The following PTPRN2 variants were observed in gnomAD, a reference collection of about 807,000 sequenced individuals.
PTPRN2 encodes receptor-type tyrosine-protein phosphatase N2.
PTPRN2 carries 74 observed loss-of-function variants against 118.8 expected under a neutral mutation model. That is an observed-to-expected ratio of 0.62 (90% CI 0.52 to 0.76). The LOEUF is 0.76. Ranked by LOEUF, PTPRN2 falls within the 30% of genes least tolerant of loss-of-function variation. The pLI is 0.00. For synonymous variants in PTPRN2, 641 were observed against 608.0 expected, an observed-to-expected ratio of 1.05 and a Z score of -0.80; for missense variants, 1,481 against 1,394.4, an observed-to-expected ratio of 1.06 and a Z score of -0.99.
At chr7:158,573,337 A>T (rs1023107410) in intron 1 of PTPRN2, among the ~76,000 whole-genome samples, 2 of 152,226 alleles carry the variant, frequency 1.3e-5, no homozygotes, top group Admixed American at 6.5e-5. Context: ...ATAGATTTTT[A>T]AATAAAGTCA....
chr7:158,108,314 C>G, intron 10 of PTPRN2, among the ~76,000 whole-genome samples: 1 of 152,128 alleles, frequency 6.6e-6, no homozygotes, highest in East Asian at 1.9e-4. Context: ...TGCACCTGCT[C>G]CCTCCTTTAC....
chr7:157,951,976 C>T (rs928025003), intron 11 of PTPRN2, among the ~76,000 whole-genome samples: 1 of 152,200 alleles, frequency 6.6e-6, no homozygotes, highest in Non-Finnish European at 1.5e-5. Flanking sequence ...TGCTCTGATG[C>T]CCCCTCACGT....
At chr7:157,769,361 G>A (rs1282806464) in intron 12 of PTPRN2, among the ~76,000 whole-genome samples, 1 of 152,154 alleles carries the variant, frequency 6.6e-6, no homozygotes, top group Non-Finnish European at 1.5e-5. Flanking sequence ...TCGCCCTGCT[G>A]GAATTCCACA....
intron 12 of PTPRN2, among the ~76,000 whole-genome samples, chr7:157,883,128 A>T (rs1263210776): frequency 6.6e-6 from 1 of 151,318 alleles, no homozygotes; most frequent in Non-Finnish European, 1.5e-5. Context: ...ACCACCCCAA[A>T]ATGACTGTCA....
intron 9 of PTPRN2, among the ~76,000 whole-genome samples, chr7:158,129,199 C>G (rs1211914128): frequency 6.7e-6 from 1 of 149,580 alleles, no homozygotes; most frequent in Non-Finnish European, 1.5e-5. Flanking sequence ...CACTACACAC[C>G]ACAAACAGAT....
At position 157,977,754 on chromosome 7, in the gene PTPRN2, G is replaced by C. The variant is rs549547001; in HGVS notation, c.1724-79017C>G. Among the ~76,000 whole-genome samples the C allele has an allele frequency of 6.6e-6, 1 of 151,852 alleles. No individual in the cohort carries two copies. The highest frequency in any genetic ancestry group is 6.6e-5 in the Admixed American group (1 of 15,256). ...GAGAGGTAGGATCTGGTACCATCTC[G>C]AGAGGCTGCAGCAGGGACACTTGAA... is the stretch of plus-strand genomic sequence containing the variant. On this transcript the variant is annotated intron_variant, in intron 11 of 22. Transcript: ENST00000389418. The surrounding 1 kb of genome is among the most constrained non-coding windows in gnomAD (Gnocchi z 4.6).
intron 11 of PTPRN2, among the ~76,000 whole-genome samples, chr7:157,899,555 G>A (rs1444811976): frequency 1.3e-5 from 2 of 152,212 alleles, no homozygotes; most frequent in Non-Finnish European, 2.9e-5. Context: ...CAAACCCTAT[G>A]AATGAAGAGT....
At chr7:157,969,707 C>T (rs1201605907) in intron 11 of PTPRN2, among the ~76,000 whole-genome samples, 1 of 151,848 alleles carries the variant, frequency 6.6e-6, no homozygotes, top group Non-Finnish European at 1.5e-5. Flanking sequence ...CCTTGGGCAC[C>T]TGGGAGTTTG....
intron 2 of PTPRN2, among the ~76,000 whole-genome samples, chr7:158,336,297 CA>C: frequency 7.1e-6 from 1 of 140,614 alleles, no homozygotes; most frequent in Non-Finnish European, 1.5e-5. Context: ...CCGCAGACGT[CA>C]CTCACACCCA....
intron 1 of PTPRN2, among the ~76,000 whole-genome samples, chr7:158,556,953 C>A (rs73510594): frequency 8.1e-6 from 1 of 123,724 alleles, no homozygotes; most frequent in Non-Finnish European, 1.7e-5. Context: ...GTCACTCCCA[C>A]GCAGGTCAGG....
At position 157,808,428 on chromosome 7, in the gene PTPRN2, C is replaced by T. The variant is rs1413057917; in HGVS notation, c.1788+90245G>A. Among the ~76,000 whole-genome samples the T allele has an allele frequency of 2.6e-5, 4 of 152,186 alleles. No homozygotes were observed. The highest frequency in any genetic ancestry group is 9.7e-5 in the African/African-American group (4 of 41,442). On this transcript the variant is annotated intron_variant, in intron 12 of 22. Coordinates refer to ENST00000389418, the MANE Select transcript of PTPRN2 (RefSeq NM_002847.5). This position sits in a 1 kb window ranked among gnomAD's most constrained non-coding sequence, Gnocchi z 5.0. Reference sequence around the variant, plus strand: ...CTGCCTGGGCTCCACCTCCTGTCAGCTCAGCAGTGGCATCAGATTCTCATA... The same window carrying T: ...CTGCCTGGGCTCCACCTCCTGTCAGTTCAGCAGTGGCATCAGATTCTCATA...
chr7:158,223,895 G>C (rs112634466), intron 3 of PTPRN2, among the ~76,000 whole-genome samples: 1,650 of 152,056 alleles, frequency 0.011, 38 homozygotes, highest in African/African-American at 0.038. Flanking sequence ...CCTATTTCCT[G>C]ATTATCTACA....
intron 14 of PTPRN2, among the ~76,000 whole-genome samples, chr7:157,634,350 G>A (rs1804166296): frequency 6.6e-6 from 1 of 152,154 alleles, no homozygotes; most frequent in Admixed American, 6.5e-5. Flanking sequence ...TCATGCTTTT[G>A]TTACATGGGC....
chr7:158,499,696 G>C (rs185760296), intron 1 of PTPRN2, among the ~76,000 whole-genome samples: 16 of 152,208 alleles, frequency 1.1e-4, no homozygotes, highest in Admixed American at 3.9e-4. Flanking sequence ...ACTTGAACCT[G>C]GGAGGTGGAG....
chr7:157,930,344 T>TC (rs1563248693), intron 11 of PTPRN2, among the ~76,000 whole-genome samples: 2 of 151,582 alleles, frequency 1.3e-5, no homozygotes, highest in African/African-American at 4.9e-5. Flanking sequence ...AATAAAACAT[T>TC]CCTGGTGCCC....
intron 1 of PTPRN2, among the ~76,000 whole-genome samples, chr7:158,531,889 C>T (rs1014211400): frequency 6.6e-6 from 1 of 152,192 alleles, no homozygotes; most frequent in Non-Finnish European, 1.5e-5. Context: ...AAGCTGAACG[C>T]ATCACTGCAC....
At chr7:158,346,016 CA>C (rs1443588001) in intron 2 of PTPRN2, among the ~76,000 whole-genome samples, 2 of 152,176 alleles carry the variant, frequency 1.3e-5, no homozygotes, top group African/African-American at 2.4e-5. Context: ...GATTACAACT[CA>C]AGGTGAGATG....
At chr7:157,653,365 C>A (rs116130917) in intron 14 of PTPRN2, among the ~76,000 whole-genome samples, 4,314 of 152,220 alleles carry the variant, frequency 0.028, 187 homozygotes, top group African/African-American at 0.097. Context: ...GGAAACGAGG[C>A]TTTGCGCACA....
At chr7:158,532,625 G>A (rs563518466) in intron 1 of PTPRN2, 37 of 442,274 alleles carry the variant, frequency 8.4e-5, no homozygotes, top group African/African-American at 6.4e-4. Flanking sequence ...GACCAAAAAC[G>A]TCACTAAACT....
Sources: allele counts gnomAD v4.1 joint callset (sites outside exome capture counted in the v4.1 genomes callset), GRCh38; gene constraint gnomAD v4.1.1; non-coding constraint Gnocchi (gnomAD v3.1); transcripts MANE v1.5; gene names NCBI Gene and HGNC (gene_info 2026-07-23, HGNC 2026-07-21).